NOS1: variants seen among roughly 807,000 people sequenced by gnomAD.
NOS1 encodes the protein nitric oxide synthase 1, also known as NOS type I.
Under a neutral mutation model 164.5 loss-of-function variants are expected in NOS1, and 51 were observed. The observed-to-expected ratio is 0.31, with a 90% CI of 0.25 to 0.39. The LOEUF is 0.39. Ranked by LOEUF, NOS1 falls within the 10% of genes least tolerant of loss-of-function variation. The pLI is 1.00. For synonymous variants in NOS1, 719 were observed against 745.8 expected, an observed-to-expected ratio of 0.96 and a Z score of 0.59; for missense variants, 1,362 against 1,885.6, an observed-to-expected ratio of 0.72 and a Z score of 5.14.
chr12:117,227,684 C>T, intron 22 of NOS1, 43 bp from the exon 23 acceptor site: 2 of 1,593,350 alleles, frequency 1.3e-6, no homozygotes, highest in Non-Finnish European at 1.7e-6. Context: ...AACCCAGCTG[C>T]CACATACTTC....
chr12:117,290,273 A>G, intron 4 of NOS1, 25 bp downstream of exon 4: 1 of 1,613,066 alleles, frequency 6.2e-7, no homozygotes, highest in Non-Finnish European at 8.5e-7. Context: ...CCACCCTCTC[A>G]TCTACACCCT....
At chr12:117,259,912 G>A (rs930208456) in intron 14 of NOS1, among the ~76,000 whole-genome samples, 20 of 152,120 alleles carry the variant, frequency 1.3e-4, no homozygotes, top group African/African-American at 4.8e-4. Context: ...GAGGTCAGGA[G>A]ATCGAGACCA....
At chr12:117,316,796 T>G (rs1874688627) in intron 2 of NOS1, among the ~76,000 whole-genome samples, 1 of 152,216 alleles carries the variant, frequency 6.6e-6, no homozygotes, top group African/African-American at 2.4e-5. Flanking sequence ...AACCTCAAAC[T>G]TGGATGTTAG....
chr12:117,278,115 C>A lies in NOS1; in HGVS notation c.1525-17G>T. 6.2e-7 allele frequency: 1 copy of A among 1,603,316 alleles called. No individual in the cohort carries two copies. Among genetic ancestry groups the A allele is most frequent in the Non-Finnish European group, 8.5e-7 (1 of 1,173,842 alleles). ...TATGCATATCTGCAAGCAGACCCGG[C>A]CAGGTAATGCCACTGTACCCCACAC... On this transcript the variant is annotated splice_polypyrimidine_tract_variant and intron_variant, in intron 8 of 28. Transcript: ENST00000317775.
chr12:117,210,308 G>A lies in NOS1; in HGVS notation c.*5001C>T. 1.0e-6 allele frequency: 1 copy of A among 985,312 alleles called. No homozygotes were observed. The highest frequency in any genetic ancestry group is 4.7e-5 in the South Asian group (1 of 21,278). The allele number at this position is 985,312 out of a possible 1,614,324, so 61.0% of individuals were successfully genotyped here. A position where few individuals can be genotyped will look rare whatever the true frequency, so the allele number is the denominator to read the frequency against. Reference sequence around the variant, plus strand: ...TTTGAGCCAAAGAGGACATTTGGATGCAGGAGACTATGAAGGTTGGGGACA... The same window carrying A: ...TTTGAGCCAAAGAGGACATTTGGATACAGGAGACTATGAAGGTTGGGGACA... On this transcript the variant is annotated 3_prime_UTR_variant, in exon 29 of 29. Coordinates refer to ENST00000317775, the MANE Select transcript of NOS1 (RefSeq NM_000620.5).
intron 7 of NOS1, among the ~76,000 whole-genome samples, chr12:117,284,770 C>A (rs1873968040): frequency 1.3e-5 from 2 of 152,150 alleles, no homozygotes; most frequent in Non-Finnish European, 2.9e-5. Context: ...GATGCCGGGG[C>A]TGGGCGTGGT....
At position 117,337,036 on chromosome 12, in the gene NOS1, T is replaced by G. The variant is rs557278787; in HGVS notation, c.-420-5547A>C. On this transcript the variant is annotated intron_variant, in intron 1 of 28. Coordinates refer to ENST00000317775, the MANE Select transcript of NOS1 (RefSeq NM_000620.5). ...GTCTTGAACTCATGGGCTTGAGCAA[T>G]CCTCCTGCCTCAGCCTCCCAAAGTA... is the stretch of plus-strand genomic sequence containing the variant. Among the ~76,000 whole-genome samples, 133 of 150,338 alleles carry G rather than the reference T, an allele frequency of 8.8e-4. 1 individual carries two copies. Among genetic ancestry groups the G allele is most frequent in the Middle Eastern group, 3.4e-3 (1 of 290 alleles).
At chr12:117,299,634 C>CAA (rs1309059016) in intron 3 of NOS1, among the ~76,000 whole-genome samples, 1 of 90,342 alleles carries the variant, frequency 1.1e-5, no homozygotes, top group African/African-American at 5.0e-5. Flanking sequence ...GACTTTGTCT[C>CAA]CAAAAAAAAA....
At chr12:117,319,455 C>T (rs1874813246) in intron 2 of NOS1, among the ~76,000 whole-genome samples, 1 of 152,202 alleles carries the variant, frequency 6.6e-6, no homozygotes, top group Non-Finnish European at 1.5e-5. Flanking sequence ...TTGCTAATAT[C>T]ACCAAAGCTG....
At chr12:117,342,863 G>C (rs1483253744) in intron 1 of NOS1, among the ~76,000 whole-genome samples, 1 of 152,068 alleles carries the variant, frequency 6.6e-6, no homozygotes, top group African/African-American at 2.4e-5. Context: ...AAGGGAGGAA[G>C]GAAGGAAGTG....
chr12:117,239,461 C>A (rs1016318884), intron 20 of NOS1, among the ~76,000 whole-genome samples: 4 of 152,172 alleles, frequency 2.6e-5, no homozygotes, highest in African/African-American at 9.7e-5. Flanking sequence ...AATTGTTGTA[C>A]GTGCATTAGA....
intron 17 of NOS1, among the ~76,000 whole-genome samples, chr12:117,251,911 T>G (rs568882171): frequency 4.6e-5 from 7 of 152,028 alleles, no homozygotes; most frequent in African/African-American, 1.7e-4. Context: ...TTTTATATTT[T>G]TGGTGGAAAC....
chr12:117,328,327 T>C (rs478027), intron 2 of NOS1, among the ~76,000 whole-genome samples: 126,254 of 151,992 alleles, frequency 0.83, 52,641 homozygotes, highest in African/African-American at 0.88. Flanking sequence ...CCCACCATCA[T>C]GCCTGGCTAA....
intron 1 of NOS1, among the ~76,000 whole-genome samples, chr12:117,349,673 G>A (rs1876527865): frequency 1.3e-5 from 2 of 152,152 alleles, no homozygotes; most frequent in Non-Finnish European, 2.9e-5. Flanking sequence ...CAGGCCCAGG[G>A]CTTAGCATGG....
At chr12:117,274,944 A>T (rs1873061703) in intron 9 of NOS1, among the ~76,000 whole-genome samples, 1 of 152,026 alleles carries the variant, frequency 6.6e-6, no homozygotes, top group Admixed American at 6.6e-5. Flanking sequence ...GTGTGATATA[A>T]AGAAAATGTG....
intron 2 of NOS1, among the ~76,000 whole-genome samples, chr12:117,323,735 A>T (rs1483757): frequency 6.6e-6 from 1 of 151,830 alleles, no homozygotes; most frequent in African/African-American, 2.4e-5. Context: ...ATTGACTTCC[A>T]TTCCTCCAGC....
rs1214586830 is a variant in NOS1 at position 117,330,901 on chromosome 12, G to A, written c.169C>T (p.Leu57Phe). 2 of 1,614,058 alleles carry A rather than the reference G, an allele frequency of 1.2e-6. No homozygotes were observed. The highest frequency in any genetic ancestry group is 2.7e-5 in the African/African-American group (2 of 74,936). ...IRGGAAEQSG[L>F]IQAGDIILAV... ...AGAATGATGTCTCCGGCCTGGATGAGGCCACTCTGCTCTGCGGCGCCCCCA... is the reference window on the plus strand; with the variant it reads ...AGAATGATGTCTCCGGCCTGGATGAAGCCACTCTGCTCTGCGGCGCCCCCA... Residue 57 changes from leucine (L) to phenylalanine (F), a missense_variant, in exon 2 of 29, where the codon CTC becomes TTC. Transcript: ENST00000317775. This position sits in a 1 kb window ranked among gnomAD's most constrained non-coding sequence, Gnocchi z 4.6.
At chr12:117,280,890 C>A (rs768074723) in intron 7 of NOS1, 24 bp from the exon 8 acceptor site, 38 of 1,611,136 alleles carry the variant, frequency 2.4e-5, no homozygotes, top group East Asian at 2.2e-5. Flanking sequence ...AGGGGAACAC[C>A]CGGCATCAGG....
At chr12:117,227,136 A>G (rs1416586699) in intron 23 of NOS1, among the ~76,000 whole-genome samples, 1 of 152,186 alleles carries the variant, frequency 6.6e-6, no homozygotes, top group East Asian at 1.9e-4. Flanking sequence ...GGCATGATAC[A>G]GCAGAGCGCT....
Sources: allele counts gnomAD v4.1 joint callset (sites outside exome capture counted in the v4.1 genomes callset), GRCh38; gene constraint gnomAD v4.1.1; non-coding constraint Gnocchi (gnomAD v3.1); transcripts MANE v1.5; gene names NCBI Gene and HGNC (gene_info 2026-07-23, HGNC 2026-07-21).